The following SENP8 variants were observed in gnomAD, a reference collection of about 807,000 sequenced individuals.
The protein encoded by SENP8 is SUMO peptidase family member, NEDD8 specific.
In SENP8, 10 loss-of-function variants were observed where a neutral mutation model predicts 14.4. The ratio of observed to expected loss-of-function variants is 0.69; its 90% CI spans 0.43 to 1.18. The LOEUF (loss-of-function observed/expected upper bound fraction) is 1.18, where lower values mean the gene tolerates loss of function less well. Ranked by LOEUF, SENP8 falls within the 50% of genes most tolerant of loss-of-function variation. The probability of loss-of-function intolerance (pLI) is 0.00; values close to 1 mark genes in which losing one functional copy is unlikely to be tolerated. For missense variants in SENP8, 202 were observed against 249.4 expected, an observed-to-expected ratio of 0.81 and a Z score of 1.28; for synonymous variants, 94 against 95.5, an observed-to-expected ratio of 0.98 and a Z score of 0.09.
At chr15:72,118,241 C>G (rs2056967121), upstream of SENP8, 1 of 334,524 alleles carries the variant, frequency 3.0e-6, no homozygotes, top group Admixed American at 4.9e-5. Flanking sequence ...ACAGCGTGCG[C>G]TTGCGCAGAC....
chr15:72,119,433 A>G (rs756908908), intron 1 of SENP8, among the ~76,000 whole-genome samples: 2 of 152,242 alleles, frequency 1.3e-5, no homozygotes, highest in Non-Finnish European at 2.9e-5. Flanking sequence ...AAGTTGAGAC[A>G]GTTGGCTCTG....
chr15:72,114,687 G>A (rs1455139685), upstream of SENP8: 1 of 152,220 alleles, frequency 6.6e-6, no homozygotes, highest in Non-Finnish European at 1.5e-5. Context: ...GTGAATCAAA[G>A]TGGTGATATC....
chr15:72,122,691 T>G (rs1026902779), intron 1 of SENP8, among the ~76,000 whole-genome samples: 2 of 152,212 alleles, frequency 1.3e-5, no homozygotes, highest in African/African-American at 4.8e-5. Flanking sequence ...GAATTAAGTT[T>G]ATGCAGAACT....
intron 1 of SENP8, among the ~76,000 whole-genome samples, chr15:72,129,534 GTA>G (rs2081251866): frequency 7.4e-6 from 1 of 135,976 alleles, no homozygotes. Context: ...GGCTAATTTT[GTA>G]TTTTTTTTTT....
At chr15:72,128,577 CAA>C (rs1008950081) in intron 1 of SENP8, among the ~76,000 whole-genome samples, 4 of 152,018 alleles carry the variant, frequency 2.6e-5, no homozygotes, top group South Asian at 4.1e-4. Context: ...ATTTTATGCC[CAA>C]GTTTATGTTA....
chr15:72,128,409 G>C (rs6494992), intron 1 of SENP8, among the ~76,000 whole-genome samples: 96,854 of 152,050 alleles, frequency 0.64, 32,210 homozygotes, highest in Middle Eastern at 0.74. Flanking sequence ...TGAGGTTTAT[G>C]TCATAAACAC....
upstream of SENP8, among the ~76,000 whole-genome samples, chr15:72,116,650 T>A (rs1172367354): frequency 6.6e-6 from 1 of 152,298 alleles, no homozygotes; most frequent in East Asian, 1.9e-4. Context: ...TCCCCTAGTA[T>A]CCTTTAAAAA....
chr15:72,139,907 A>G lies in SENP8; in HGVS notation c.284A>G (p.Asn95Ser), dbSNP rs2081364205. The change falls in exon 2 of 2, where the codon AAC (asparagine) becomes AGC (serine). Residue 95 changes from asparagine to serine, a missense_variant. Coordinates refer to ENST00000340912, the MANE Select transcript of SENP8 (RefSeq NM_145204.4). ...TTTTTAGCCATCAATGATAACTCCA[A>G]CCAGGCAGCTGGAGGAACCCACTGG... ...VVFLAINDNS[N>S]QAAGGTHWSL... 2.5e-6 allele frequency: 4 copies of G among 1,614,212 alleles called. No individual in the cohort carries two copies. Among genetic ancestry groups the G allele is most frequent in the Non-Finnish European group, 3.4e-6 (4 of 1,180,022 alleles).
chr15:72,135,052 CTTTTTTGTTTG>C (rs1596655872), intron 1 of SENP8: 1 of 319,222 alleles, frequency 3.1e-6, no homozygotes, highest in Non-Finnish European at 6.3e-6. Context: ...GAGAAGCACA[CTTTTTTGTTTG>C]TTTTTTGTTT....
At chr15:72,138,161 T>C (rs2081344894) in intron 1 of SENP8, among the ~76,000 whole-genome samples, 1 of 152,130 alleles carries the variant, frequency 6.6e-6, no homozygotes, top group African/African-American at 2.4e-5. Context: ...ATAATTTTAA[T>C]CTCTGTGCTT....
chr15:72,122,844 T>C (rs1392914134), intron 1 of SENP8, among the ~76,000 whole-genome samples: 1 of 152,218 alleles, frequency 6.6e-6, no homozygotes, highest in Non-Finnish European at 1.5e-5. Flanking sequence ...GGCTCCCAAT[T>C]AAATGGCTTA....
Position 72,140,293 on chromosome 15 carries a change from C to A in SENP8, c.*31C>A. On this transcript the variant is annotated 3_prime_UTR_variant, in exon 2 of 2. Coordinates refer to ENST00000340912, the MANE Select transcript of SENP8 (RefSeq NM_145204.4). The stretch of plus-strand genomic sequence containing the variant: ...GAAGTATATTTGCGACTTTTGAAGG[C>A]TCCTCTTTCTGCCCTTCCCCATTTG... 1 of 1,492,772 alleles carries A rather than the reference C, an allele frequency of 6.7e-7. No homozygotes were observed. Among genetic ancestry groups the A allele is most frequent in the Non-Finnish European group, 9.3e-7 (1 of 1,075,408 alleles). The allele number at this position is 1,492,772 out of a possible 1,614,324, so 92.5% of individuals were successfully genotyped here. A position where few individuals can be genotyped will look rare whatever the true frequency, so the allele number is the denominator to read the frequency against.
chr15:72,128,078 G>A (rs1286107805), intron 1 of SENP8, among the ~76,000 whole-genome samples: 1 of 151,748 alleles, frequency 6.6e-6, no homozygotes, highest in African/African-American at 2.4e-5. Context: ...GGGCAACAGA[G>A]TGAGACGTTT....
At chr15:72,129,524 G>A (rs975799237) in intron 1 of SENP8, among the ~76,000 whole-genome samples, 18 of 150,200 alleles carry the variant, frequency 1.2e-4, no homozygotes, top group Middle Eastern at 3.4e-3. Context: ...CACCACACCC[G>A]GCTAATTTTG....
At chr15:72,129,348 A>G (rs4411469) in intron 1 of SENP8, among the ~76,000 whole-genome samples, 30,750 of 151,442 alleles carry the variant, frequency 0.2, 3,315 homozygotes, top group East Asian at 0.41. Context: ...GGGCAGCATA[A>G]TGAGACCTCA....
intron 1 of SENP8, among the ~76,000 whole-genome samples, chr15:72,138,470 C>G (rs1445413967): frequency 6.6e-6 from 1 of 151,606 alleles, no homozygotes; most frequent in Non-Finnish European, 1.5e-5. Flanking sequence ...CCACCTCAGC[C>G]TTTCGAGTAG....
At chr15:72,139,306 A>G (rs1269010291) in intron 1 of SENP8, 3 of 256,334 alleles carry the variant, frequency 1.2e-5, no homozygotes, top group Non-Finnish European at 2.2e-5. Flanking sequence ...TTTACTATTC[A>G]TTAAGTGGAA....
At chr15:72,126,590 A>T (rs1281867103) in intron 1 of SENP8, among the ~76,000 whole-genome samples, 1 of 150,896 alleles carries the variant, frequency 6.6e-6, no homozygotes, top group East Asian at 2.0e-4. Context: ...GCGCCACTAC[A>T]CTCCAGCCGG....
At chr15:72,134,741 A>G (rs781394249) in intron 1 of SENP8, 2 of 232,322 alleles carry the variant, frequency 8.6e-6, no homozygotes, top group Non-Finnish European at 1.8e-5. Flanking sequence ...ATGCGAATCT[A>G]TAAGAAATAT....
Sources: gnomAD v4.1 joint callset for allele counts (sites outside exome capture counted in the v4.1 genomes callset) on GRCh38, gnomAD v4.1.1 for gene constraint, MANE v1.5 for transcripts, NCBI Gene and HGNC (gene_info 2026-07-23, HGNC 2026-07-21) for gene names.